KALRN: variants seen among roughly 807,000 people sequenced by gnomAD.
The protein encoded by KALRN is kalirin.
In KALRN, 70 loss-of-function variants were observed where a neutral mutation model predicts 353.7. The ratio of observed to expected loss-of-function variants is 0.20; its 90% confidence interval spans 0.16 to 0.24. The LOEUF (loss-of-function observed/expected upper bound fraction) is 0.24, where lower values mean the gene tolerates loss of function less well. KALRN is among the 10% of genes least tolerant of loss of function. KALRN has a pLI of 1.00. For missense variants in KALRN, 2,791 were observed against 3,756.7 expected (o/e 0.74, Z 6.72); for synonymous variants, 1,391 against 1,434.8 (o/e 0.97, Z 0.69).
Position 124,384,853 on chromosome 3 carries a change from C to T in KALRN, c.1779C>T (p.Tyr593=), listed in dbSNP as rs1350148742. 4 of 1,598,664 alleles carry T rather than the reference C, an allele frequency of 2.5e-6. 1 individual carries two copies. The South Asian group carries it at 4.5e-5, about 18-fold the overall frequency. ...DDFEEVAQNT[Y]TNADKLLEAA... is the part of the protein sequence containing the mutation. ...ACTGTTGTTGCTGGCAGAATACGTA[C>T]ACCAATGCGGACAAGCTCCTAGAAG... Residue 593 remains tyrosine, a synonymous_variant, in exon 11 of 60, where the codon TAC becomes TAT. Coordinates refer to ENST00000682506, the MANE Select transcript of KALRN (RefSeq NM_001388419.1).
At chr3:124,047,036 C>G (rs1158631699) in intron 1 of KALRN, among the ~76,000 whole-genome samples, 3 of 148,904 alleles carry the variant, frequency 2.0e-5, no homozygotes, top group Non-Finnish European at 3.0e-5. Flanking sequence ...AACAAAAGAC[C>G]TATGAAGTCA....
intron 1 of KALRN, among the ~76,000 whole-genome samples, chr3:124,053,383 T>G (rs2041223576): frequency 6.6e-6 from 1 of 152,176 alleles, no homozygotes; most frequent in African/African-American, 2.4e-5. Context: ...TGGTGGGGTA[T>G]CTGCAGGATT....
rs569087251 is a variant in KALRN, at chr3:124,207,242, G to A, written c.74-20748G>A. ...GGCAGGCCCCCAGGCAGTGACTAGC[G>A]GCACATAGACATCCTTCCCTCCTTC... On this transcript the variant is annotated intron_variant, in intron 1 of 59. Transcript: ENST00000682506. Among the ~76,000 whole-genome samples the A allele has an allele frequency of 1.2e-4, 19 of 152,274 alleles. No individual in the cohort carries two copies. In the South Asian group the frequency reaches 3.1e-3, roughly 25 times the overall value.
At chr3:124,094,821 G>T in intron 1 of KALRN, 1 of 1,613,128 alleles carries the variant, frequency 6.2e-7, no homozygotes, top group Non-Finnish European at 8.5e-7. Context: ...GGCTGTGAAG[G>T]ATGAGTTCAG....
chr3:124,122,902 T>C (rs1369524135), intron 1 of KALRN, among the ~76,000 whole-genome samples: 1 of 152,072 alleles, frequency 6.6e-6, no homozygotes, highest in Non-Finnish European at 1.5e-5. Context: ...GAGGAAGGCA[T>C]GTTAAAGGCT....
intron 1 of KALRN, among the ~76,000 whole-genome samples, chr3:124,122,641 A>G (rs1046175380): frequency 6.6e-6 from 1 of 152,138 alleles, no homozygotes; most frequent in African/African-American, 2.4e-5. Flanking sequence ...TGTTACTATT[A>G]TGATTGGGGG....
chr3:124,495,143 G>T (rs2063569307), intron 32 of KALRN, among the ~76,000 whole-genome samples: 1 of 152,136 alleles, frequency 6.6e-6, no homozygotes, highest in African/African-American at 2.4e-5. Context: ...GGGTCTAAAT[G>T]CCAGGAGTGC....
At position 124,401,878 on chromosome 3, in the gene KALRN, G is replaced by C. The variant is rs3772743; in HGVS notation, c.2346+3007G>C. Among the ~76,000 whole-genome samples, 1,554 of 152,280 alleles carry C rather than the reference G, an allele frequency of 0.01. 56 individuals carry two copies. In the East Asian group the frequency reaches 0.12, roughly 12 times the overall value. ...TTGAGATTATTCAAATACCAGCTAT[G>C]TCTCACTGTGGGGATGAAGAACAAA... is the stretch of plus-strand genomic sequence containing the variant. On this transcript the variant is annotated intron_variant, in intron 13 of 59. Transcript: ENST00000682506.
At chr3:124,419,668 C>A (rs931068293) in intron 14 of KALRN, among the ~76,000 whole-genome samples, 1 of 152,090 alleles carries the variant, frequency 6.6e-6, no homozygotes, top group African/African-American at 2.4e-5. Flanking sequence ...ATTCCTGGAA[C>A]AACATAGATA....
At chr3:124,065,755 G>C (rs750221326) in intron 1 of KALRN, among the ~76,000 whole-genome samples, 1 of 152,048 alleles carries the variant, frequency 6.6e-6, no homozygotes, top group Non-Finnish European at 1.5e-5. Flanking sequence ...GATAATAAAG[G>C]TTCCTACTGC....
intron 34 of KALRN, chr3:124,584,724 C>A: frequency 2.0e-6 from 3 of 1,493,990 alleles, no homozygotes; most frequent in Non-Finnish European, 2.7e-6. Context: ...GGGCGGGAGC[C>A]GGCTCTCGGG....
chr3:124,446,083 C>A, intron 19 of KALRN, 78 bp from the exon 20 acceptor site: 1 of 850,078 alleles, frequency 1.2e-6, no homozygotes, highest in Non-Finnish European at 1.9e-6. Flanking sequence ...CACCTGGCAC[C>A]TGGGCCGTGG....
chr3:124,044,863 T>TCCC (rs2040313792), intron 1 of KALRN, among the ~76,000 whole-genome samples: 2 of 19,916 alleles, frequency 1.0e-4, no homozygotes, highest in African/African-American at 1.3e-4. Flanking sequence ...CCCTCCCTCC[T>TCCC]TCCTTCCTTC....
At chr3:124,238,297 A>G (rs2148620195) in intron 3 of KALRN, among the ~76,000 whole-genome samples, 1 of 152,332 alleles carries the variant, frequency 6.6e-6, no homozygotes. Flanking sequence ...AAATGAGGGA[A>G]CAGGCATGGC....
chr3:124,041,874 TG>T (rs2040001505), intron 1 of KALRN, among the ~76,000 whole-genome samples: 1 of 152,124 alleles, frequency 6.6e-6, no homozygotes, highest in Non-Finnish European at 1.5e-5. Context: ...AAGAATCAAA[TG>T]GGTGGACAGA....
chr3:124,687,004 G>A (rs535428168), intron 51 of KALRN, among the ~76,000 whole-genome samples: 1 of 151,580 alleles, frequency 6.6e-6, no homozygotes, highest in Non-Finnish European at 1.5e-5. Flanking sequence ...TTTTAGAAGT[G>A]GGTTCTCCCG....
rs755215517 is a variant in KALRN, at chr3:124,477,225, A to ATTATCTTTG, written c.4102-17_4102-9dup. On this transcript the variant is annotated intron_variant, in intron 26 of 59. Transcript: ENST00000682506. ...AACAACTAATGAATGCTTATCTATT[A>ATTATCTTTG]TTATCTTTGTTCTTTTTAGGCAGAC... is the stretch of plus-strand genomic sequence containing the variant. 4 of 1,552,260 alleles carry ATTATCTTTG rather than the reference A, an allele frequency of 2.6e-6. No homozygotes were observed. The East Asian group carries it at 9.0e-5, about 35-fold the overall frequency.
At chr3:124,214,295 A>G (rs1212743) in intron 1 of KALRN, among the ~76,000 whole-genome samples, 1 of 152,222 alleles carries the variant, frequency 6.6e-6, no homozygotes, top group Non-Finnish European at 1.5e-5. Flanking sequence ...TATTTAATGC[A>G]TATTTAATGA....
chr3:124,298,023 T>C (rs887452527), intron 5 of KALRN, among the ~76,000 whole-genome samples: 1 of 152,232 alleles, frequency 6.6e-6, no homozygotes, highest in Non-Finnish European at 1.5e-5. Flanking sequence ...TTCTTATATC[T>C]GAGACAATCC....
Sources: gnomAD v4.1 joint callset for allele counts (sites outside exome capture counted in the v4.1 genomes callset) on GRCh38, gnomAD v4.1.1 for gene constraint, MANE v1.5 for transcripts, NCBI Gene and HGNC (gene_info 2026-07-23, HGNC 2026-07-21) for gene names.